Variants in MALRD1 observed in about 807,000 individuals in gnomAD.
The protein encoded by MALRD1 is MAM and LDL-receptor class A domain-containing protein 1.
MALRD1 carries 247 observed loss-of-function variants against 242.1 expected under a neutral mutation model. The observed-to-expected ratio is 1.02, with a 90% CI of 0.92 to 1.13. MALRD1 has a LOEUF of 1.13. Among genes scored for constraint, MALRD1 ranks in the 50% most tolerant of loss-of-function variants. The pLI, the probability that MALRD1 is intolerant of heterozygous loss-of-function variation, is 0.00. For synonymous variants in MALRD1, 995 were observed against 866.6 expected, an observed-to-expected ratio of 1.15 and a Z score of -2.60; for missense variants, 2,989 against 2,533.1, an observed-to-expected ratio of 1.18 and a Z score of -3.86.
chr10:19,090,547 G>C (rs1404763964), intron 4 of MALRD1, among the ~76,000 whole-genome samples: 5 of 27,078 alleles, frequency 1.8e-4, no homozygotes, highest in Non-Finnish European at 2.4e-4. Context: ...GGGACAATTT[G>C]ACTTCCTCTT....
chr10:19,293,022 T>C (rs1404702723), intron 21 of MALRD1, among the ~76,000 whole-genome samples: 1 of 152,084 alleles, frequency 6.6e-6, no homozygotes, highest in Non-Finnish European at 1.5e-5. Flanking sequence ...ATAATTTTTT[T>C]CTGTAACGAT....
chr10:19,539,509 A>G (rs772293797), intron 32 of MALRD1, among the ~76,000 whole-genome samples: 3 of 152,150 alleles, frequency 2.0e-5, no homozygotes, highest in Non-Finnish European at 4.4e-5. Context: ...TTTTCAGTAT[A>G]CATTTGGTTT....
intron 12 of MALRD1, among the ~76,000 whole-genome samples, chr10:19,160,759 T>G (rs527586989): frequency 0.038 from 3,751 of 97,824 alleles, 218 homozygotes; most frequent in African/African-American, 0.15. Flanking sequence ...TAGAGGTGTT[T>G]GTAGTATTCT....
rs113322476 is a variant in MALRD1 at position 19,264,960 on chromosome 10, C to T, written c.3079+7189C>T. Among the ~76,000 whole-genome samples, 1,068 of 152,086 alleles carry T rather than the reference C, an allele frequency of 7.0e-3. 12 individuals carry two copies. The highest frequency in any genetic ancestry group is 0.011 in the Non-Finnish European group (725 of 67,972). ...CATCTGTTTAGATTTTTTTATTTCTCGTTGATTCCATCTTGGTAGGTTGTA... is the reference window on the plus strand; with the variant it reads ...CATCTGTTTAGATTTTTTTATTTCTTGTTGATTCCATCTTGGTAGGTTGTA... On this transcript the variant is annotated intron_variant, in intron 19 of 39. Coordinates refer to ENST00000454679, the MANE Select transcript of MALRD1 (RefSeq NM_001142308.3).
intron 4 of MALRD1, among the ~76,000 whole-genome samples, chr10:19,098,740 G>A (rs537001051): frequency 4.6e-5 from 7 of 152,286 alleles, no homozygotes; most frequent in Non-Finnish European, 1.0e-4. Flanking sequence ...GGAAATCAAA[G>A]ACGTGAACAT....
chr10:19,249,639 T>A (rs1190406190), intron 18 of MALRD1, among the ~76,000 whole-genome samples: 2 of 151,982 alleles, frequency 1.3e-5, no homozygotes, highest in African/African-American at 4.8e-5. Flanking sequence ...AGACGAACAT[T>A]AAATGCACAA....
At chr10:19,404,938 C>T (rs1211191332) in intron 28 of MALRD1, among the ~76,000 whole-genome samples, 1 of 152,154 alleles carries the variant, frequency 6.6e-6, no homozygotes, top group African/African-American at 2.4e-5. Context: ...GTACTAGTTG[C>T]TTTTCCTTGT....
At chr10:19,658,473 C>T (rs932198719) in intron 36 of MALRD1, among the ~76,000 whole-genome samples, 2 of 151,992 alleles carry the variant, frequency 1.3e-5, no homozygotes, top group Non-Finnish European at 2.9e-5. Flanking sequence ...CCCTGGTAGT[C>T]TAGTGGTTAG....
chr10:19,547,410 G>A (rs1312636150), intron 32 of MALRD1, among the ~76,000 whole-genome samples: 2 of 151,976 alleles, frequency 1.3e-5, no homozygotes, highest in Non-Finnish European at 1.5e-5. Context: ...TAGAAACTCC[G>A]AAATTTCTAA....
intron 21 of MALRD1, among the ~76,000 whole-genome samples, chr10:19,313,056 T>C (rs527873105): frequency 1.1e-4 from 17 of 151,444 alleles, no homozygotes; most frequent in Non-Finnish European, 2.4e-4. Context: ...TCCCAAGAAA[T>C]GGCATTTTAA....
At chr10:19,136,491 A>G (rs1833344226) in intron 9 of MALRD1, 83 bp from the exon 10 acceptor site, 1 of 777,454 alleles carries the variant, frequency 1.3e-6, no homozygotes, top group Non-Finnish European at 1.7e-6. Flanking sequence ...CTCAATAACT[A>G]CTTTGTCTTT....
intron 21 of MALRD1, among the ~76,000 whole-genome samples, chr10:19,295,830 G>A (rs2131938864): frequency 6.6e-6 from 1 of 152,232 alleles, no homozygotes; most frequent in East Asian, 1.9e-4. Flanking sequence ...TTAAAACACA[G>A]GAATCTTGGG....
At chr10:19,213,851 C>G (rs1445559919) in intron 18 of MALRD1, among the ~76,000 whole-genome samples, 2 of 152,056 alleles carry the variant, frequency 1.3e-5, no homozygotes, top group South Asian at 2.1e-4. Context: ...TTTGGTCTTG[C>G]TTTAAAAATT....
chr10:19,536,599 T>C (rs775121329), intron 32 of MALRD1, among the ~76,000 whole-genome samples: 12 of 152,102 alleles, frequency 7.9e-5, no homozygotes, highest in Non-Finnish European at 1.6e-4. Flanking sequence ...TATGTTAGTT[T>C]AGCTACTCTA....
chr10:19,306,821 G>A (rs974114142), intron 21 of MALRD1, among the ~76,000 whole-genome samples: 5 of 151,260 alleles, frequency 3.3e-5, no homozygotes, highest in African/African-American at 1.2e-4. Flanking sequence ...AGCAAAAGGG[G>A]GAAATGCCCC....
intron 29 of MALRD1, among the ~76,000 whole-genome samples, chr10:19,453,606 G>A (rs1046636785): frequency 3.9e-5 from 6 of 152,138 alleles, no homozygotes; most frequent in Non-Finnish European, 7.4e-5. Context: ...GCCGGGCACT[G>A]TGGCTCATTC....
chr10:19,122,824 C>A (rs1263868580), intron 5 of MALRD1, among the ~76,000 whole-genome samples: 1 of 152,100 alleles, frequency 6.6e-6, no homozygotes, highest in African/African-American at 2.4e-5. Flanking sequence ...CTCCTGAGTT[C>A]AAGCAATTCT....
chr10:19,680,144 T>C (rs754655205), intron 36 of MALRD1, among the ~76,000 whole-genome samples: 2 of 152,190 alleles, frequency 1.3e-5, no homozygotes, highest in Non-Finnish European at 2.9e-5. Context: ...TCTACAGATA[T>C]CTATCAGGTC....
At chr10:19,110,589 G>T (rs768085560) in intron 5 of MALRD1, among the ~76,000 whole-genome samples, 2 of 152,142 alleles carry the variant, frequency 1.3e-5, no homozygotes, top group Non-Finnish European at 2.9e-5. Flanking sequence ...TATCAATAGA[G>T]AATATATGGC....
Sources: gnomAD v4.1 joint callset for allele counts (sites outside exome capture counted in the v4.1 genomes callset) on GRCh38, gnomAD v4.1.1 for gene constraint, MANE v1.5 for transcripts, NCBI Gene and HGNC (gene_info 2026-07-23, HGNC 2026-07-21) for gene names.